Variants in NELL2 observed in about 807,000 individuals in gnomAD.
The protein encoded by NELL2 is neural EGFL like 2.
In NELL2, 41 loss-of-function variants were observed where a neutral mutation model predicts 109.6. The observed-to-expected ratio is 0.37, with a 90% CI of 0.29 to 0.49. The LOEUF (loss-of-function observed/expected upper bound fraction) is 0.49. Ranked by LOEUF, NELL2 falls within the 20% of genes least tolerant of loss-of-function variation. The pLI is 0.98. For synonymous variants in NELL2, 355 were observed against 344.7 expected (o/e 1.03, Z -0.33); for missense variants, 900 against 1,008.3 (o/e 0.89, Z 1.45).
intron 19 of NELL2, among the ~76,000 whole-genome samples, chr12:44,519,103 G>T (rs1007640047): frequency 1.3e-5 from 2 of 151,958 alleles, no homozygotes; most frequent in African/African-American, 4.8e-5. Flanking sequence ...TTGCTCTGTA[G>T]GAAAAAAATT....
chr12:44,532,941 G>A (rs1942148980), intron 15 of NELL2, among the ~76,000 whole-genome samples: 2 of 152,124 alleles, frequency 1.3e-5, no homozygotes, highest in Admixed American at 1.3e-4. Context: ...GATGCAAAAG[G>A]TATTCCACTG....
At chr12:44,662,469 G>A (rs1947780275) in intron 13 of NELL2, among the ~76,000 whole-genome samples, 1 of 152,174 alleles carries the variant, frequency 6.6e-6, no homozygotes. Context: ...GTTTAACTAT[G>A]GATAAAGCAA....
At chr12:44,884,618 T>A (rs1310903578) in intron 1 of NELL2, among the ~76,000 whole-genome samples, 3 of 152,034 alleles carry the variant, frequency 2.0e-5, no homozygotes, top group Non-Finnish European at 4.4e-5. Flanking sequence ...ACTCTAAATT[T>A]ACCTTTGGAA....
intron 2 of NELL2, among the ~76,000 whole-genome samples, chr12:44,834,866 T>A (rs771000886): frequency 4.6e-5 from 7 of 152,160 alleles, no homozygotes; most frequent in Non-Finnish European, 1.0e-4. Flanking sequence ...GCAACAGGGC[T>A]GGACACGCGG....
rs751625691 is a variant in NELL2 at position 44,535,059 on chromosome 12, A to G, written c.1664-2338T>C. 7.2e-5 allele frequency among the ~76,000 whole-genome samples: 11 copies of G among 152,140 alleles called. 1 individual carries two copies. Among genetic ancestry groups the G allele is most frequent in the Non-Finnish European group, 1.3e-4 (9 of 67,952 alleles). On this transcript the variant is annotated intron_variant, in intron 15 of 19. Coordinates refer to ENST00000429094, the MANE Select transcript of NELL2 (RefSeq NM_001145108.2). The stretch of plus-strand genomic sequence containing the variant: ...TGGTAAACTTCCTTGATTTATAAAT[A>G]TACTCCATAAAGTTTAATAGAAATG...
At chr12:44,548,062 T>C (rs989178051) in intron 15 of NELL2, among the ~76,000 whole-genome samples, 1 of 152,130 alleles carries the variant, frequency 6.6e-6, no homozygotes, top group African/African-American at 2.4e-5. Flanking sequence ...TTCATAATTA[T>C]TGATTATTCA....
chr12:44,875,710 C>T, intron 1 of NELL2, 105 bp downstream of exon 1: 1 of 1,608,716 alleles, frequency 6.2e-7, no homozygotes, highest in Non-Finnish European at 8.5e-7. Flanking sequence ...CTTCCCACTC[C>T]AGACCTACTT....
chr12:44,699,339 T>C (rs187002431), intron 12 of NELL2, among the ~76,000 whole-genome samples: 143 of 152,206 alleles, frequency 9.4e-4, no homozygotes, highest in African/African-American at 2.8e-3. Flanking sequence ...AGATCCCTTA[T>C]AGGAAAAGCT....
intron 9 of NELL2, among the ~76,000 whole-genome samples, chr12:44,728,880 A>G (rs1939216465): frequency 6.6e-6 from 1 of 152,180 alleles, no homozygotes; most frequent in South Asian, 2.1e-4. Flanking sequence ...TACATAGCCA[A>G]ACTGTCCTTC....
intron 19 of NELL2, among the ~76,000 whole-genome samples, chr12:44,509,231 T>C (rs1395260409): frequency 1.3e-5 from 2 of 152,214 alleles, no homozygotes; most frequent in Non-Finnish European, 1.5e-5. Flanking sequence ...ACATTTGTTC[T>C]TTCATTTATT....
At chr12:44,682,253 T>A (rs1384361214) in intron 12 of NELL2, among the ~76,000 whole-genome samples, 1 of 150,826 alleles carries the variant, frequency 6.6e-6, no homozygotes, top group East Asian at 1.9e-4. Flanking sequence ...TTGCCCACTT[T>A]TTGATGGGGT....
intron 16 of NELL2, 196 bp downstream of exon 16, chr12:44,532,385 C>CT (rs1343868711): frequency 6.6e-5 from 28 of 426,044 alleles, no homozygotes; most frequent in African/African-American, 5.5e-4. Context: ...GTGTCACAAA[C>CT]TTTAATTATC....
At chr12:44,574,968 A>C (rs538781979) in intron 15 of NELL2, among the ~76,000 whole-genome samples, 1 of 152,278 alleles carries the variant, frequency 6.6e-6, no homozygotes, top group African/African-American at 2.4e-5. Flanking sequence ...TCTAGTATTA[A>C]TTTAGTATAA....
At chr12:44,856,560 G>A (rs937649641) in intron 2 of NELL2, among the ~76,000 whole-genome samples, 1 of 152,176 alleles carries the variant, frequency 6.6e-6, no homozygotes, top group Non-Finnish European at 1.5e-5. Context: ...CGGAAAACAT[G>A]CAGCTGTCTG....
intron 1 of NELL2, among the ~76,000 whole-genome samples, chr12:44,910,425 C>T (rs1014175680): frequency 6.6e-6 from 1 of 151,834 alleles, no homozygotes; most frequent in Non-Finnish European, 1.5e-5. Flanking sequence ...CCATCTCACA[C>T]TAGAAAGGCT....
chr12:44,686,111 G>A lies in NELL2; in HGVS notation c.1318+17615C>T, dbSNP rs190557305. Among the ~76,000 whole-genome samples, 1,072 of 152,102 alleles carry A rather than the reference G, an allele frequency of 7.0e-3. 8 individuals carry two copies. The highest frequency in any genetic ancestry group is 0.044 in the South Asian group (213 of 4,814). On this transcript the variant is annotated intron_variant, in intron 12 of 19. Coordinates refer to ENST00000429094, the MANE Select transcript of NELL2 (RefSeq NM_001145108.2). ...CCCATATTTCTTGGAGGCTTTGCTCGTTTCTTTTTATTCTTTTTCTCTAAA... is the reference window on the plus strand; with the variant it reads ...CCCATATTTCTTGGAGGCTTTGCTCATTTCTTTTTATTCTTTTTCTCTAAA...
At chr12:44,541,360 T>C (rs779376000) in intron 15 of NELL2, among the ~76,000 whole-genome samples, 8 of 151,212 alleles carry the variant, frequency 5.3e-5, no homozygotes, top group Non-Finnish European at 1.0e-4. Flanking sequence ...ATTTCATCTA[T>C]AAAATAGGGC....
chr12:44,878,761 G>A (rs369305201), upstream of NELL2, among the ~76,000 whole-genome samples: 1 of 152,132 alleles, frequency 6.6e-6, no homozygotes, highest in Non-Finnish European at 1.5e-5. Context: ...TTAGGTTGTA[G>A]TTGTCTTATG....
intron 13 of NELL2, among the ~76,000 whole-genome samples, chr12:44,662,616 T>C (rs1947784517): frequency 6.6e-6 from 1 of 152,140 alleles, no homozygotes; most frequent in Admixed American, 6.6e-5. Flanking sequence ...AAAGAAAAAA[T>C]ATGCAATTTG....
Sources: gnomAD v4.1 joint callset for allele counts (sites outside exome capture counted in the v4.1 genomes callset) on GRCh38, gnomAD v4.1.1 for gene constraint, MANE v1.5 for transcripts, NCBI Gene and HGNC (gene_info 2026-07-23, HGNC 2026-07-21) for gene names.